Variants in AUTS2 observed in about 807,000 individuals in gnomAD.
The protein encoded by AUTS2 is autism susceptibility gene 2 protein.
AUTS2 carries 17 observed loss-of-function variants against 112.4 expected under a neutral mutation model. That is an observed-to-expected ratio of 0.15 (90% confidence interval 0.10 to 0.23). AUTS2 has a LOEUF of 0.23. AUTS2 is among the 10% of genes least tolerant of loss of function. The pLI is 1.00. For synonymous variants in AUTS2, 751 were observed against 702.7 expected (o/e 1.07, Z -1.09); for missense variants, 1,510 against 1,701.6 (o/e 0.89, Z 1.98).
intron 4 of AUTS2, among the ~76,000 whole-genome samples, chr7:70,234,141 T>C (rs1188033761): frequency 6.6e-6 from 1 of 152,218 alleles, no homozygotes; most frequent in South Asian, 2.1e-4. Context: ...ATATTTGCGC[T>C]TCTCATAGGC....
chr7:70,364,614 T>TAAAA (rs1216912856), intron 4 of AUTS2, among the ~76,000 whole-genome samples: 33 of 142,606 alleles, frequency 2.3e-4, no homozygotes, highest in South Asian at 1.3e-3. Context: ...AATAAATAAA[T>TAAAA]AAAAATTAAA....
At chr7:70,229,845 G>GA (rs1811953355) in intron 4 of AUTS2, among the ~76,000 whole-genome samples, 1 of 152,138 alleles carries the variant, frequency 6.6e-6, no homozygotes, top group South Asian at 2.1e-4. Flanking sequence ...ATCTCCTGGT[G>GA]AGGTTCTCTA....
chr7:69,863,753 C>G (rs1374336868), intron 1 of AUTS2, among the ~76,000 whole-genome samples: 1 of 152,184 alleles, frequency 6.6e-6, no homozygotes, highest in East Asian at 1.9e-4. Context: ...CAGCCCTGCC[C>G]CAGAGCTGGG....
intron 1 of AUTS2, among the ~76,000 whole-genome samples, chr7:69,686,275 G>A (rs748588448): frequency 6.6e-6 from 1 of 152,118 alleles, no homozygotes; most frequent in Non-Finnish European, 1.5e-5. Flanking sequence ...ACAGATACTC[G>A]AATGTCAGAC....
chr7:70,753,999 A>T (rs1448967730), intron 6 of AUTS2, among the ~76,000 whole-genome samples: 4 of 151,346 alleles, frequency 2.6e-5, no homozygotes, highest in Non-Finnish European at 5.9e-5. Context: ...TATTAAAAAT[A>T]CAAAAAAAAA....
At chr7:69,809,097 T>C in intron 1 of AUTS2, among the ~76,000 whole-genome samples, 1 of 151,912 alleles carries the variant, frequency 6.6e-6, no homozygotes, top group East Asian at 1.9e-4. Flanking sequence ...TTTTCTGAGA[T>C]GGAGTCTCGC....
intron 5 of AUTS2, among the ~76,000 whole-genome samples, chr7:70,443,089 G>GTTT (rs1796184511): frequency 6.6e-6 from 1 of 152,036 alleles, no homozygotes; most frequent in Admixed American, 6.6e-5. Flanking sequence ...ACAATAATCT[G>GTTT]TTCATTACTA....
chr7:69,750,469 ATGTT>A (rs1183660086), intron 1 of AUTS2, among the ~76,000 whole-genome samples: 2 of 147,856 alleles, frequency 1.4e-5, no homozygotes, highest in African/African-American at 5.0e-5. Context: ...AACAAATACT[ATGTT>A]AGTAGTAGTA....
At chr7:69,687,699 T>G (rs1797122746) in intron 1 of AUTS2, among the ~76,000 whole-genome samples, 1 of 152,176 alleles carries the variant, frequency 6.6e-6, no homozygotes, top group African/African-American at 2.4e-5. Flanking sequence ...TTCTCTCTCT[T>G]TCTTTTTAAA....
chr7:69,782,799 G>A (rs556927833), intron 1 of AUTS2, among the ~76,000 whole-genome samples: 115 of 152,256 alleles, frequency 7.6e-4, no homozygotes, highest in Admixed American at 1.6e-3. Flanking sequence ...GATGTAGTTA[G>A]TTCTCATGCT....
intron 4 of AUTS2, among the ~76,000 whole-genome samples, chr7:70,263,863 ACT>A (rs1787284147): frequency 6.6e-6 from 1 of 152,050 alleles, no homozygotes; most frequent in African/African-American, 2.4e-5. Flanking sequence ...AGCTAATATG[ACT>A]CTACTTAATA....
chr7:70,230,072 C>CA (rs1330576686), intron 4 of AUTS2, among the ~76,000 whole-genome samples: 2 of 151,702 alleles, frequency 1.3e-5, no homozygotes, highest in Non-Finnish European at 2.9e-5. Context: ...TAGGCTCCCT[C>CA]AGAGATAGTA....
Position 69,792,827 on chromosome 7 carries a change from C to T in AUTS2, c.310-106459C>T, listed in dbSNP as rs1247217996. Among the ~76,000 whole-genome samples, 10 of 152,208 alleles carry T rather than the reference C, an allele frequency of 6.6e-5. No individual in the cohort carries two copies. The East Asian group carries it at 1.9e-3, about 29-fold the overall frequency. On this transcript the variant is annotated intron_variant, in intron 1 of 18. Transcript: ENST00000342771. ...TGCCCTACTCAGAGACATTTCGGTT[C>T]ATTAGGTAGGGGTGGGAGAGGTTGT... is the stretch of plus-strand genomic sequence containing the variant.
chr7:70,180,543 C>T (rs1239211090), intron 4 of AUTS2, among the ~76,000 whole-genome samples: 1 of 152,150 alleles, frequency 6.6e-6, no homozygotes, highest in East Asian at 1.9e-4. Context: ...TCATGGTCTA[C>T]CTGGCCTTCT....
intron 2 of AUTS2, among the ~76,000 whole-genome samples, chr7:70,047,895 A>G (rs1801577560): frequency 6.6e-6 from 1 of 152,294 alleles, no homozygotes; most frequent in African/African-American, 2.4e-5. Context: ...AAGATTTGAT[A>G]CAACGCTTGA....
At chr7:70,551,874 C>G (rs1801027266) in intron 5 of AUTS2, among the ~76,000 whole-genome samples, 1 of 152,142 alleles carries the variant, frequency 6.6e-6, no homozygotes, top group Admixed American at 6.5e-5. Flanking sequence ...AAAAGAAAGC[C>G]TATTTAAAGG....
At chr7:70,763,394 G>A in intron 7 of AUTS2, 53 bp downstream of exon 7, 1 of 1,370,652 alleles carries the variant, frequency 7.3e-7, no homozygotes, top group East Asian at 2.3e-5. Flanking sequence ...CTGGGGATCA[G>A]GTGGGTGGGA....
At chr7:70,686,624 G>A (rs1012736417) in intron 5 of AUTS2, among the ~76,000 whole-genome samples, 10 of 151,878 alleles carry the variant, frequency 6.6e-5, no homozygotes, top group Non-Finnish European at 1.3e-4. Context: ...GCAACCTCCC[G>A]GGTTCAAGCG....
At chr7:69,752,295 T>G (rs535097860) in intron 1 of AUTS2, among the ~76,000 whole-genome samples, 11 of 152,352 alleles carry the variant, frequency 7.2e-5, no homozygotes, top group Non-Finnish European at 5.9e-5. Context: ...AGCTTTGGCT[T>G]GCCCAGGTTC....
Sources: gnomAD v4.1 joint callset for allele counts (sites outside exome capture counted in the v4.1 genomes callset) on GRCh38, gnomAD v4.1.1 for gene constraint, MANE v1.5 for transcripts, NCBI Gene and HGNC (gene_info 2026-07-23, HGNC 2026-07-21) for gene names.